The following TNRC18 variants were observed in gnomAD, a reference collection of about 807,000 sequenced individuals.
TNRC18 encodes trinucleotide repeat containing 18.
In TNRC18, 69 loss-of-function variants were observed where a neutral mutation model predicts 226.7. The ratio of observed to expected loss-of-function variants is 0.30; its 90% CI spans 0.25 to 0.37. The LOEUF is 0.37. Ranked by LOEUF, TNRC18 falls within the 10% of genes least tolerant of loss-of-function variation. The pLI is 1.00. For missense variants in TNRC18, 4,754 were observed against 4,256.6 expected (o/e 1.12, Z -3.25); for synonymous variants, 2,449 against 1,927.6 (o/e 1.27, Z -7.09).
chr7:5,356,472 C>T (rs969844136), intron 16 of TNRC18, among the ~76,000 whole-genome samples: 7 of 152,272 alleles, frequency 4.6e-5, no homozygotes, highest in African/African-American at 1.7e-4. Flanking sequence ...CCGCAACAGA[C>T]GGCATGCTTC....
Position 5,313,808 on chromosome 7 carries a change from G to T in TNRC18, c.7083C>A (p.Pro2361=). The change falls in exon 27 of 30, where the codon CCC becomes CCA. Residue 2361 remains proline (P), a synonymous_variant. Coordinates refer to ENST00000430969, the MANE Select transcript of TNRC18 (RefSeq NM_001080495.3). The part of the protein sequence containing the change: ...GNPTDEVPST[P]LALEPSSTPG... ...GGGTGCTGCTCGGCTCCAGGGCTAA[G>T]GGGGTACTGGGGACCTCGTCTGTTG... 1 of 1,515,018 alleles carries T rather than the reference G, an allele frequency of 6.6e-7. No individual in the cohort carries two copies. The highest frequency in any genetic ancestry group is 8.8e-7 in the Non-Finnish European group (1 of 1,132,168). The allele number at this position is 1,515,018 out of a possible 1,614,324, so 93.8% of individuals were successfully genotyped here. A position where few individuals can be genotyped will look rare whatever the true frequency, so the allele number is the denominator to read the frequency against.
chr7:5,388,453 G>A lies in TNRC18; in HGVS notation c.1371C>T (p.Arg457=), dbSNP rs1351605434. ...VRATRASPDP[R]AYVPAKELLK... ...GCAGCTCCTTGGCAGGCACGTAGGC[G>A]CGGGGGTCCGGGGAGGCGCGTGTGG... Residue 457 remains arginine, a synonymous_variant, in exon 5 of 30, where the codon CGC becomes CGT. Coordinates refer to ENST00000430969, the MANE Select transcript of TNRC18 (RefSeq NM_001080495.3). The A allele has an allele frequency of 9.6e-6, 14 of 1,451,342 alleles. 1 individual carries two copies. The highest frequency in any genetic ancestry group is 8.7e-5 in the East Asian group (3 of 34,310). The allele number at this position is 1,451,342 out of a possible 1,614,324, so 89.9% of individuals were successfully genotyped here.
chr7:5,407,770 T>A (rs1160454666), intron 2 of TNRC18, among the ~76,000 whole-genome samples: 3 of 152,226 alleles, frequency 2.0e-5, no homozygotes, highest in Non-Finnish European at 4.4e-5. Context: ...TCAATTCTCA[T>A]GCAATCACAA....
intron 21 of TNRC18, among the ~76,000 whole-genome samples, chr7:5,321,483 A>G (rs1420469713): frequency 6.6e-6 from 1 of 151,874 alleles, no homozygotes; most frequent in Non-Finnish European, 1.5e-5. Flanking sequence ...CCAGAGATGA[A>G]AGCCTGCACC....
intron 16 of TNRC18, 47 bp from the exon 17 acceptor site, chr7:5,352,141 G>A (rs1388892115): frequency 2.6e-6 from 4 of 1,528,250 alleles, no homozygotes; most frequent in South Asian, 2.5e-5. Context: ...AGGGCAGCAG[G>A]AGCTGGTGTC....
At chr7:5,338,616 T>C (rs62443181) in intron 18 of TNRC18, among the ~76,000 whole-genome samples, 8 of 106,460 alleles carry the variant, frequency 7.5e-5, no homozygotes, top group African/African-American at 3.0e-4. Context: ...ACGCTGCACA[T>C]TAAAAAAAAA....
At chr7:5,383,329 T>A (rs1015390984) in intron 5 of TNRC18, among the ~76,000 whole-genome samples, 2 of 152,094 alleles carry the variant, frequency 1.3e-5, no homozygotes, top group African/African-American at 4.8e-5. Flanking sequence ...CAGACCTAGA[T>A]CCTATGTGAG....
At position 5,309,749 on chromosome 7, in the gene TNRC18, G is replaced by A. The variant is rs535932500; in HGVS notation, c.8389-381C>T. Among the ~76,000 whole-genome samples the A allele has an allele frequency of 3.9e-5, 6 of 152,230 alleles. No homozygotes were observed. The South Asian group carries it at 8.3e-4, about 21-fold the overall frequency. The stretch of plus-strand genomic sequence containing the variant: ...CCTCTGAGGAGCTGAGAATACAGGC[G>A]CACACCACGCCCGGCTAATTTTGAT... On this transcript the variant is annotated intron_variant, in intron 27 of 29. Transcript: ENST00000430969. The surrounding 1 kb of genome is among the most constrained non-coding windows in gnomAD (Gnocchi z 5.7).
At chr7:5,402,023 G>C (rs1051974784) in intron 2 of TNRC18, among the ~76,000 whole-genome samples, 3 of 151,588 alleles carry the variant, frequency 2.0e-5, no homozygotes, top group Admixed American at 1.3e-4. Flanking sequence ...AAAACAAAAA[G>C]AAAAAATTAG....
At chr7:5,368,121 GC>G (rs1344277749) in intron 11 of TNRC18, among the ~76,000 whole-genome samples, 2 of 152,024 alleles carry the variant, frequency 1.3e-5, no homozygotes, top group African/African-American at 4.8e-5. Context: ...GTCATCAAGG[GC>G]CAGGGCCACC....
intron 16 of TNRC18, among the ~76,000 whole-genome samples, chr7:5,352,675 G>A (rs763218565): frequency 6.6e-6 from 1 of 152,224 alleles, no homozygotes; most frequent in Non-Finnish European, 1.5e-5. Flanking sequence ...CCAGTGAGCC[G>A]GCCCACCACT....
Position 5,401,493 on chromosome 7 carries a change from C to T in TNRC18, c.188-6898G>A, listed in dbSNP as rs148928580. Among the ~76,000 whole-genome samples the T allele has an allele frequency of 6.6e-5, 10 of 152,290 alleles. No individual in the cohort carries two copies. The East Asian group carries it at 1.7e-3, about 26-fold the overall frequency. Reference sequence around the variant, plus strand: ...TTTCACATTGCAACTTACCCTGCCACGCCCTTTCCTGAAATGTTTTTCTCC... The same window carrying T: ...TTTCACATTGCAACTTACCCTGCCATGCCCTTTCCTGAAATGTTTTTCTCC... On this transcript the variant is annotated intron_variant, in intron 2 of 29. Coordinates refer to ENST00000430969, the MANE Select transcript of TNRC18 (RefSeq NM_001080495.3).
chr7:5,314,813 T>C (rs1787678054), intron 26 of TNRC18, among the ~76,000 whole-genome samples, 171 bp downstream of exon 26: 1 of 152,148 alleles, frequency 6.6e-6, no homozygotes, highest in African/African-American at 2.4e-5. Context: ...CATCAGCCGA[T>C]CTGCTCGCCT....
chr7:5,385,588 G>A (rs1232179985), intron 5 of TNRC18, among the ~76,000 whole-genome samples: 5 of 152,008 alleles, frequency 3.3e-5, no homozygotes, highest in Non-Finnish European at 7.4e-5. Flanking sequence ...GGAGGCTGAG[G>A]CCGGAGAATC....
chr7:5,345,513 G>A (rs1481311451), intron 18 of TNRC18, 49 bp downstream of exon 18: 9 of 428,844 alleles, frequency 2.1e-5, no homozygotes, highest in Admixed American at 1.2e-4. Flanking sequence ...GGGCAATGGC[G>A]TCCGCCCCTC....
intron 16 of TNRC18, among the ~76,000 whole-genome samples, chr7:5,355,464 T>C (rs1251581951): frequency 2.6e-5 from 4 of 152,072 alleles, no homozygotes; most frequent in Non-Finnish European, 5.9e-5. Context: ...TCAGCCTCTA[T>C]AAAAATAAAA....
chr7:5,329,302 TAAA>T (rs1195830784), intron 19 of TNRC18, among the ~76,000 whole-genome samples: 1 of 139,562 alleles, frequency 7.2e-6, no homozygotes. Flanking sequence ...ATTCTGTCTT[TAAA>T]AAAAAAAAAA....
chr7:5,416,398 G>A (rs1782190712), intron 2 of TNRC18, among the ~76,000 whole-genome samples: 2 of 152,138 alleles, frequency 1.3e-5, no homozygotes, highest in African/African-American at 4.8e-5. Flanking sequence ...CTGGGCGACA[G>A]AGCGAGACTC....
intron 24 of TNRC18, among the ~76,000 whole-genome samples, chr7:5,318,788 C>T (rs1373432327): frequency 1.3e-5 from 2 of 152,082 alleles, no homozygotes; most frequent in African/African-American, 2.4e-5. Context: ...TATTTCCAGT[C>T]GTGAATTTAT....
Sources: allele counts gnomAD v4.1 joint callset (sites outside exome capture counted in the v4.1 genomes callset), GRCh38; gene constraint gnomAD v4.1.1; non-coding constraint Gnocchi (gnomAD v3.1); transcripts MANE v1.5; gene names NCBI Gene and HGNC (gene_info 2026-07-23, HGNC 2026-07-21).